YTHDF2: variants seen among roughly 807,000 people sequenced by gnomAD.
The protein encoded by YTHDF2 is YTH domain-containing family protein 2.
YTHDF2 carries 2 observed loss-of-function variants against 50.4 expected under a neutral mutation model. The observed-to-expected ratio is 0.04, with a 90% confidence interval of 0.02 to 0.12. The LOEUF (loss-of-function observed/expected upper bound fraction) is 0.12, where lower values mean the gene tolerates loss of function less well. YTHDF2 is among the 10% of genes least tolerant of loss of function. The pLI, the probability that YTHDF2 is intolerant of heterozygous loss-of-function variation, is 1.00. For missense variants in YTHDF2, 483 were observed against 722.6 expected, an observed-to-expected ratio of 0.67 and a Z score of 3.80; for synonymous variants, 217 against 255.6, an observed-to-expected ratio of 0.85 and a Z score of 1.44.
chr1:28,766,951 C>A lies in YTHDF2; in HGVS notation c.1717-1978C>A, dbSNP rs1357933274. Among the ~76,000 whole-genome samples the A allele has an allele frequency of 4.6e-5, 7 of 151,698 alleles. No individual in the cohort carries two copies. In the East Asian group the frequency reaches 1.2e-3, roughly 25 times the overall value. On this transcript the variant is annotated intron_variant, in intron 4 of 4. Coordinates refer to ENST00000373812, the MANE Select transcript of YTHDF2 (RefSeq NM_016258.3). ...GTGCTTAAGCCATCCTCCCAGCTCA[C>A]CCCCCAAGTAGCTGGGACCACAGGC...
rs1490616371 is a variant in YTHDF2, at chr1:28,737,161, C to T, written c.27+14C>T. The T allele has an allele frequency of 1.1e-5, 17 of 1,583,368 alleles. No individual in the cohort carries two copies. Among genetic ancestry groups the T allele is most frequent in the Non-Finnish European group, 1.4e-5 (16 of 1,167,580 alleles). On this transcript the variant is annotated intron_variant, in intron 1 of 4. Transcript: ENST00000373812. ...CTCTTGGAGCAGGTACAGGCCCGGC[C>T]CGCATGCCTCGGCCATTGTGTGAGG...
rs185880683 is a variant in YTHDF2, at chr1:28,750,945, T to G, written c.1716+6959T>G. Reference sequence around the variant, plus strand: ...CTGTCTCTACAACAAATAAAAAAATTAGCCAGGCGTGGTGGCTCGTGCCTG... The same window carrying G: ...CTGTCTCTACAACAAATAAAAAAATGAGCCAGGCGTGGTGGCTCGTGCCTG... On this transcript the variant is annotated intron_variant, in intron 4 of 4. Coordinates refer to ENST00000373812, the MANE Select transcript of YTHDF2 (RefSeq NM_016258.3). 4.6e-5 allele frequency among the ~76,000 whole-genome samples: 7 copies of G among 151,758 alleles called. No individual in the cohort carries two copies. The East Asian group carries it at 1.2e-3, about 25-fold the overall frequency.
At chr1:28,736,857 T>A, upstream of YTHDF2, 58 of 279,508 alleles carry the variant, frequency 2.1e-4, no homozygotes, top group Non-Finnish European at 2.6e-4. Flanking sequence ...GCCGCCCGCC[T>A]CCGCTGTTCG....
At chr1:28,758,626 TC>T in intron 4 of YTHDF2, among the ~76,000 whole-genome samples, 1 of 152,270 alleles carries the variant, frequency 6.6e-6, no homozygotes, top group South Asian at 2.1e-4. Context: ...TGTAAACAGT[TC>T]TGGATAATGC....
At chr1:28,760,887 TTATTAAG>T (rs2088113531) in intron 4 of YTHDF2, among the ~76,000 whole-genome samples, 1 of 152,164 alleles carries the variant, frequency 6.6e-6, no homozygotes, top group Non-Finnish European at 1.5e-5. Context: ...GCCGAATTTG[TTATTAAG>T]TATTATTTAT....
intron 2 of YTHDF2, 127 bp from the exon 3 acceptor site, chr1:28,738,132 C>T: frequency 4.2e-6 from 3 of 706,824 alleles, no homozygotes; most frequent in East Asian, 2.7e-5. Flanking sequence ...CATCTCTTAC[C>T]CTTTTGAAGT....
At chr1:28,742,364 T>C (rs764108934) in intron 3 of YTHDF2, 39 bp from the exon 4 acceptor site, 1 of 1,523,000 alleles carries the variant, frequency 6.6e-7, no homozygotes, top group Non-Finnish European at 8.8e-7. Flanking sequence ...CTGATGTTAA[T>C]TTTTTGTGTT....
At chr1:28,751,707 G>A (rs1205081073) in intron 4 of YTHDF2, among the ~76,000 whole-genome samples, 2 of 152,062 alleles carry the variant, frequency 1.3e-5, no homozygotes, top group Admixed American at 6.6e-5. Flanking sequence ...TTAATTGCTG[G>A]GATGGAACAG....
intron 4 of YTHDF2, among the ~76,000 whole-genome samples, chr1:28,758,805 C>G (rs190926494): frequency 6.6e-6 from 1 of 152,116 alleles, no homozygotes; most frequent in Non-Finnish European, 1.5e-5. Context: ...TAGTTGAGGT[C>G]GGTGGGCCTG....
intron 4 of YTHDF2, among the ~76,000 whole-genome samples, chr1:28,760,875 T>A (rs1308022590): frequency 6.6e-6 from 1 of 152,090 alleles, no homozygotes; most frequent in East Asian, 1.9e-4. Flanking sequence ...CCACTGCGCC[T>A]GGCCGAATTT....
intron 4 of YTHDF2, among the ~76,000 whole-genome samples, chr1:28,757,482 G>C (rs2088050838): frequency 6.6e-6 from 1 of 152,182 alleles, no homozygotes; most frequent in African/African-American, 2.4e-5. Context: ...TGGTTCTCAA[G>C]AGATGTTCAG....
Position 28,759,633 on chromosome 1 carries a change from C to T in YTHDF2, c.1717-9296C>T, listed in dbSNP as rs184677008. Reference sequence around the variant, plus strand: ...AATGATAAGTATTTGTGTATCTAAACACAGAAAATGTACATTAAAACACAG... The same window carrying T: ...AATGATAAGTATTTGTGTATCTAAATACAGAAAATGTACATTAAAACACAG... On this transcript the variant is annotated intron_variant, in intron 4 of 4. Transcript: ENST00000373812. 7.9e-5 allele frequency among the ~76,000 whole-genome samples: 12 copies of T among 152,238 alleles called. 2 individuals carry two copies. The highest frequency in any genetic ancestry group is 2.9e-4 in the African/African-American group (12 of 41,540).
intron 4 of YTHDF2, among the ~76,000 whole-genome samples, chr1:28,753,691 T>C (rs1436874905): frequency 2.0e-5 from 3 of 151,558 alleles, no homozygotes; most frequent in Non-Finnish European, 4.4e-5. Flanking sequence ...ATGAAGAGTT[T>C]CAGGATTTTA....
Position 28,742,820 on chromosome 1 carries a change from A to G in YTHDF2, c.550A>G (p.Thr184Ala). 1 of 1,614,172 alleles carries G rather than the reference A, an allele frequency of 6.2e-7. No homozygotes were observed. The highest frequency in any genetic ancestry group is 8.5e-7 in the Non-Finnish European group (1 of 1,180,034). Residue 184 changes from threonine (T) to alanine (A), a missense_variant, in exon 4 of 5, where the codon ACT becomes GCT. Thr to Ala is a moderately conservative substitution (Grantham distance 58, BLOSUM62 0). Around this residue, in one of 4 missense-constraint regions of YTHDF2, gnomAD observed 385 missense variants for 475.8 expected, o/e 0.81. Coordinates refer to ENST00000373812, the MANE Select transcript of YTHDF2 (RefSeq NM_016258.3). ...CCTCAATAAGGCTCCTGGCATGAATACTATAGACCAAGGGATGGCAGCACT... is the reference window on the plus strand; with the variant it reads ...CCTCAATAAGGCTCCTGGCATGAATGCTATAGACCAAGGGATGGCAGCACT... ...ETLNKAPGMN[T>A]IDQGMAALKL...
chr1:28,737,388 C>T (rs1260327649), intron 1 of YTHDF2: 3 of 629,466 alleles, frequency 4.8e-6, no homozygotes, highest in African/African-American at 3.9e-5. Flanking sequence ...CTCGGCGGGC[C>T]TCGTTTTCCT....
intron 4 of YTHDF2, among the ~76,000 whole-genome samples, chr1:28,754,889 A>G (rs1360415196): frequency 6.6e-6 from 1 of 150,450 alleles, no homozygotes; most frequent in Non-Finnish European, 1.5e-5. Context: ...AGGGATGAGA[A>G]TCACTTGAAC....
intron 4 of YTHDF2, among the ~76,000 whole-genome samples, chr1:28,753,262 C>T (rs777677737): frequency 4.1e-5 from 6 of 146,114 alleles, no homozygotes; most frequent in African/African-American, 7.6e-5. Flanking sequence ...GGCTCATGCC[C>T]GTAATCCTCG....
In YTHDF2 at chr1:28,750,248, C is replaced by G. The variant is rs147391779; in HGVS notation, c.1716+6262C>G. Among the ~76,000 whole-genome samples, 165 of 152,172 alleles carry G rather than the reference C, an allele frequency of 1.1e-3. 1 individual carries two copies. Among genetic ancestry groups the G allele is most frequent in the Non-Finnish European group, 2.0e-3 (135 of 68,002 alleles). On this transcript the variant is annotated intron_variant, in intron 4 of 4. Transcript: ENST00000373812. ...TTGTGATCCGCCTGGCTTGGCCTCC[C>G]AAAGTGCTGGGTTTACAGGCATGAG...
intron 4 of YTHDF2, among the ~76,000 whole-genome samples, chr1:28,758,496 A>T (rs562069500): frequency 4.3e-4 from 65 of 152,276 alleles, no homozygotes; most frequent in Non-Finnish European, 4.0e-4. Context: ...CTCAGTTTTA[A>T]TTTTCCCATC....
Sources: allele counts gnomAD v4.1 joint callset (sites outside exome capture counted in the v4.1 genomes callset), GRCh38; gene constraint gnomAD v4.1.1; regional missense constraint gnomAD v4.1.1; transcripts MANE v1.5; gene names NCBI Gene and HGNC (gene_info 2026-07-23, HGNC 2026-07-21).